The following MAGI2 variants were observed in gnomAD, a reference collection of about 807,000 sequenced individuals.
MAGI2 encodes membrane-associated guanylate kinase, WW and PDZ domain-containing protein 2.
MAGI2 carries 35 observed loss-of-function variants against 133.3 expected under a neutral mutation model. The observed-to-expected ratio is 0.26, with a 90% CI of 0.20 to 0.35. The LOEUF is 0.35. Ranked by LOEUF, MAGI2 falls within the 10% of genes least tolerant of loss-of-function variation. The pLI, the probability that MAGI2 is intolerant of heterozygous loss-of-function variation, is 1.00. For missense variants in MAGI2, 1,636 were observed against 1,863.4 expected, an observed-to-expected ratio of 0.88 and a Z score of 2.25; for synonymous variants, 729 against 710.6, an observed-to-expected ratio of 1.03 and a Z score of -0.41.
At chr7:78,968,606 C>T (rs916171672) in intron 2 of MAGI2, among the ~76,000 whole-genome samples, 2 of 152,114 alleles carry the variant, frequency 1.3e-5, no homozygotes, top group Middle Eastern at 3.4e-3. Flanking sequence ...TAGTATAGCA[C>T]TTTTCAGCTA....
chr7:79,338,568 G>C (rs1840661434), intron 1 of MAGI2, among the ~76,000 whole-genome samples: 1 of 152,224 alleles, frequency 6.6e-6, no homozygotes, highest in South Asian at 2.1e-4. Flanking sequence ...TACATTTCGA[G>C]AGTCTCTCTG....
At chr7:78,705,860 G>A (rs1818590105) in intron 2 of MAGI2, among the ~76,000 whole-genome samples, 1 of 152,004 alleles carries the variant, frequency 6.6e-6, no homozygotes, top group Non-Finnish European at 1.5e-5. Context: ...GCCTTAAACT[G>A]TTTGTTCCTA....
At position 78,631,495 on chromosome 7, in the gene MAGI2, C is replaced by G. The variant is rs978630175; in HGVS notation, c.419-4256G>C. ...GCTGATCACATTTCCTCTCTAAAGG[C>G]TTACCTACCCAATCTATGGTCAAGA... On this transcript the variant is annotated intron_variant, in intron 2 of 21. Transcript: ENST00000354212. Among the ~76,000 whole-genome samples, 6 of 152,148 alleles carry G rather than the reference C, an allele frequency of 3.9e-5. No individual in the cohort carries two copies. In the East Asian group the frequency reaches 9.6e-4, roughly 24 times the overall value.
At chr7:79,133,706 A>AAGC (rs1821136990) in intron 1 of MAGI2, among the ~76,000 whole-genome samples, 2 of 152,216 alleles carry the variant, frequency 1.3e-5, no homozygotes, top group Admixed American at 6.5e-5. Context: ...TAAAGATAAA[A>AAGC]AGCATGCAAC....
intron 2 of MAGI2, among the ~76,000 whole-genome samples, chr7:78,848,871 A>T (rs1792875081): frequency 1.3e-5 from 2 of 151,982 alleles, no homozygotes. Context: ...CTTATCACCA[A>T]ATCACTTATG....
intron 2 of MAGI2, among the ~76,000 whole-genome samples, chr7:78,788,521 C>G (rs1202878472): frequency 6.6e-6 from 1 of 151,364 alleles, no homozygotes; most frequent in Non-Finnish European, 1.5e-5. Context: ...CCCTTTTTCT[C>G]TAATTCTGGA....
chr7:79,136,094 AAAG>A (rs1288198975), intron 1 of MAGI2, among the ~76,000 whole-genome samples: 3 of 150,472 alleles, frequency 2.0e-5, no homozygotes, highest in Admixed American at 1.3e-4. Context: ...AGAAAGAAAG[AAAG>A]AAAGAAAGAA....
chr7:78,774,351 C>T (rs1825817016), intron 2 of MAGI2, among the ~76,000 whole-genome samples: 1 of 152,124 alleles, frequency 6.6e-6, no homozygotes, highest in Admixed American at 6.5e-5. Flanking sequence ...AAGGAGTACT[C>T]GTGCTACAAA....
At chr7:78,183,978 A>G (rs571384804) in intron 13 of MAGI2, among the ~76,000 whole-genome samples, 4 of 152,274 alleles carry the variant, frequency 2.6e-5, no homozygotes, top group Non-Finnish European at 4.4e-5. Flanking sequence ...TGAATTGCAC[A>G]GTAACGTAAT....
At chr7:79,016,289 A>T (rs749985359) in intron 1 of MAGI2, among the ~76,000 whole-genome samples, 6 of 152,068 alleles carry the variant, frequency 3.9e-5, no homozygotes, top group Non-Finnish European at 8.8e-5. Context: ...TTGCAGGGTG[A>T]TCTTGCTCAT....
chr7:78,607,767 C>T (rs1350024700), intron 3 of MAGI2, among the ~76,000 whole-genome samples: 1 of 152,154 alleles, frequency 6.6e-6, no homozygotes, highest in African/African-American at 2.4e-5. Context: ...ATGTTACATC[C>T]TCATGGACAA....
chr7:78,282,165 AAAAG>A (rs1426592405), intron 9 of MAGI2, among the ~76,000 whole-genome samples: 4 of 142,976 alleles, frequency 2.8e-5, no homozygotes, highest in Non-Finnish European at 5.9e-5. Context: ...TTTGGATTTA[AAAAG>A]AAGCTTTGGA....
At position 79,361,650 on chromosome 7, in the gene MAGI2, T is replaced by G. The variant is rs181160166; in HGVS notation, c.301+91370A>C. ...CAGCAGAATCTGCTTTTCTTCACATTCCCATAACACACTCACAAGAGAGAT... is the reference window on the plus strand; with the variant it reads ...CAGCAGAATCTGCTTTTCTTCACATGCCCATAACACACTCACAAGAGAGAT... On this transcript the variant is annotated intron_variant, in intron 1 of 21. Coordinates refer to ENST00000354212, the MANE Select transcript of MAGI2 (RefSeq NM_012301.4). 1.2e-3 allele frequency among the ~76,000 whole-genome samples: 189 copies of G among 152,148 alleles called. 2 individuals carry two copies. Among genetic ancestry groups the G allele is most frequent in the Non-Finnish European group, 9.4e-4 (64 of 67,968 alleles).
intron 2 of MAGI2, among the ~76,000 whole-genome samples, chr7:78,963,712 A>ATT (rs1803061218): frequency 6.6e-6 from 1 of 151,842 alleles, no homozygotes; most frequent in Non-Finnish European, 1.5e-5. Context: ...ATATATATAT[A>ATT]TTCTCCTTTT....
chr7:78,345,322 T>A (rs2151189479), intron 8 of MAGI2: 1 of 152,434 alleles, frequency 6.6e-6, no homozygotes, highest in East Asian at 1.9e-4. Context: ...GCCTCCCGAC[T>A]CTAAAGGCTG....
intron 2 of MAGI2, among the ~76,000 whole-genome samples, chr7:78,788,915 G>C (rs1049589177): frequency 1.9e-4 from 29 of 152,030 alleles, no homozygotes; most frequent in African/African-American, 6.5e-4. Context: ...GGTGTGGCTC[G>C]TCTGCCTCTG....
chr7:79,227,572 A>T (rs1305153444), intron 1 of MAGI2, among the ~76,000 whole-genome samples: 1 of 152,088 alleles, frequency 6.6e-6, no homozygotes, highest in African/African-American at 2.4e-5. Flanking sequence ...TCAGCACATA[A>T]TACTTTTGTT....
At chr7:78,443,411 T>C (rs1276136723) in intron 6 of MAGI2, among the ~76,000 whole-genome samples, 1 of 152,152 alleles carries the variant, frequency 6.6e-6, no homozygotes, top group Non-Finnish European at 1.5e-5. Flanking sequence ...TCATCCTTTC[T>C]TCTCATCTAC....
At chr7:78,062,317 A>T (rs1386091753) in intron 21 of MAGI2, among the ~76,000 whole-genome samples, 1 of 152,142 alleles carries the variant, frequency 6.6e-6, no homozygotes, top group African/African-American at 2.4e-5. Context: ...GCATGTGGGG[A>T]GGGCCTATAG....
Sources: allele counts gnomAD v4.1 joint callset (sites outside exome capture counted in the v4.1 genomes callset), GRCh38; gene constraint gnomAD v4.1.1; transcripts MANE v1.5; gene names NCBI Gene and HGNC (gene_info 2026-07-23, HGNC 2026-07-21).